Variants in NUP210 observed in about 807,000 individuals in gnomAD.
The protein encoded by NUP210 is nucleoporin 210, also known as nuclear pore membrane glycoprotein 210.
In NUP210, 151 loss-of-function variants were observed where a neutral mutation model predicts 196.0. The observed-to-expected ratio is 0.77, with a 90% CI of 0.67 to 0.88. The LOEUF is 0.88. Ranked by LOEUF, NUP210 falls within the 40% of genes least tolerant of loss-of-function variation. The pLI is 0.00. For missense variants in NUP210, 2,314 were observed against 2,493.7 expected (o/e 0.93, Z 1.53); for synonymous variants, 1,070 against 1,052.7 (o/e 1.02, Z -0.32).
In NUP210 at chr3:13,343,321, A is replaced by AGGGGGG; in HGVS notation, c.2836-19_2836-18insCCCCCC. ...GGGTGCACCTGCAAGGTTGGGGCGGAGGTGGAGGGGTGGGTGGTGGGTTAC... is the reference window on the plus strand; with the variant it reads ...GGGTGCACCTGCAAGGTTGGGGCGGAGGGGGGGGTGGAGGGGTGGGTGGTGGGTTAC... On this transcript the variant is annotated intron_variant, in intron 20 of 39. Transcript: ENST00000254508. 4.8e-6 allele frequency: 1 copy of AGGGGGG among 209,514 alleles called. No individual in the cohort carries two copies. The allele number at this position is 209,514 out of a possible 1,614,324, so 13.0% of individuals were successfully genotyped here.
chr3:13,419,677 C>A (rs1430938171), intron 1 of NUP210, among the ~76,000 whole-genome samples: 1 of 152,196 alleles, frequency 6.6e-6, no homozygotes, highest in African/African-American at 2.4e-5. Flanking sequence ...GGGTCCCAGA[C>A]TCAAGGGAAG....
chr3:13,319,058 G>C lies in NUP210; in HGVS notation c.5563+14C>G. On this transcript the variant is annotated intron_variant, in intron 39 of 39. Transcript: ENST00000254508. The stretch of plus-strand genomic sequence containing the variant: ...GCAGCTCTGCCTGGTTGTGCCTGCA[G>C]GGGGGCTACTCACAGTGGGGGCTGT... The C allele has an allele frequency of 3.1e-6, 5 of 1,592,500 alleles. No homozygotes were observed. Among genetic ancestry groups the C allele is most frequent in the Non-Finnish European group, 4.3e-6 (5 of 1,171,420 alleles).
In NUP210 at chr3:13,397,379, C is replaced by T; in HGVS notation, c.414G>A (p.Lys138=). 5 of 1,611,362 alleles carry T rather than the reference C, an allele frequency of 3.1e-6. No homozygotes were observed. Among genetic ancestry groups the T allele is most frequent in the Non-Finnish European group, 4.2e-6 (5 of 1,179,090 alleles). The change falls in exon 3 of 40, where the codon AAG becomes AAA. Residue 138 remains lysine, a synonymous_variant. Transcript: ENST00000254508. ...CACCTTCGGAGTCCAGGGCCTGGAT[C>T]TTCAGCTCCAGGGGGGAGTCCTCCA... ...LYLEDSPLEL[K]IQALDSEGNT...
chr3:13,419,993 C>T (rs1700478572), intron 1 of NUP210, 67 bp downstream of exon 1: 5 of 1,055,254 alleles, frequency 4.7e-6, no homozygotes, highest in Admixed American at 5.2e-5. Context: ...CCGGCGCCCG[C>T]CCAGCCTCTC....
chr3:13,379,466 A>G lies in NUP210; in HGVS notation c.976+97T>C, dbSNP rs1177948352. ...TTCAGACCGTTGAGGGGAAACGGCT[A>G]TTTTTAGCCCTGCCGAGCTTTCAGG... is the stretch of plus-strand genomic sequence containing the variant. On this transcript the variant is annotated intron_variant, in intron 7 of 39. Coordinates refer to ENST00000254508, the MANE Select transcript of NUP210 (RefSeq NM_024923.4). This position sits in a 1 kb window ranked among gnomAD's most constrained non-coding sequence, Gnocchi z 4.2. 2.0e-6 allele frequency: 3 copies of G among 1,483,296 alleles called. No homozygotes were observed. Among genetic ancestry groups the G allele is most frequent in the East Asian group, 4.5e-5 (2 of 44,282 alleles). The allele number at this position is 1,483,296 out of a possible 1,614,324, so 91.9% of individuals were successfully genotyped here.
At position 13,379,560 on chromosome 3, in the gene NUP210, T is replaced by C. The variant is rs1487145530; in HGVS notation, c.976+3A>G. On this transcript the variant is annotated splice_donor_region_variant and intron_variant, in intron 7 of 39. Coordinates refer to ENST00000254508, the MANE Select transcript of NUP210 (RefSeq NM_024923.4). This position sits in a 1 kb window ranked among gnomAD's most constrained non-coding sequence, Gnocchi z 4.2. ...AGAACACACAAGCCCAAGAAAAGGATATTCCTGTGGCCAAGGACGAGGCTG... is the reference window on the plus strand; with the variant it reads ...AGAACACACAAGCCCAAGAAAAGGACATTCCTGTGGCCAAGGACGAGGCTG... 1.9e-6 allele frequency: 3 copies of C among 1,613,910 alleles called. No individual in the cohort carries two copies.
At chr3:13,373,015 G>A (rs961847633) in intron 12 of NUP210, among the ~76,000 whole-genome samples, 1 of 152,154 alleles carries the variant, frequency 6.6e-6, no homozygotes, top group Non-Finnish European at 1.5e-5. Context: ...TTAGATAGAG[G>A]TGGCTCTGGG....
rs971445498 is a variant in NUP210, at chr3:13,379,315, G to T, written c.976+248C>A. On this transcript the variant is annotated intron_variant, in intron 7 of 39. Coordinates refer to ENST00000254508, the MANE Select transcript of NUP210 (RefSeq NM_024923.4). The surrounding 1 kb of genome is among the most constrained non-coding windows in gnomAD (Gnocchi z 4.2). ...TGAGAAGGCTGCAGGTACTGGAGAA[G>T]TTTCTGGAGACGAGGAACGACACTC... Among the ~76,000 whole-genome samples the T allele has an allele frequency of 3.3e-5, 5 of 152,162 alleles. No homozygotes were observed. The highest frequency in any genetic ancestry group is 5.9e-5 in the Non-Finnish European group (4 of 68,016).
At chr3:13,357,234 A>G (rs1363832498) in intron 16 of NUP210, among the ~76,000 whole-genome samples, 1 of 152,226 alleles carries the variant, frequency 6.6e-6, no homozygotes, top group Non-Finnish European at 1.5e-5. Flanking sequence ...GGTCTGCTCT[A>G]GGACTCGCAA....
chr3:13,364,838 A>G (rs1698477882), intron 14 of NUP210, among the ~76,000 whole-genome samples: 1 of 152,112 alleles, frequency 6.6e-6, no homozygotes, highest in African/African-American at 2.4e-5. Context: ...CAAAAAAAAT[A>G]AACAAATAAA....
chr3:13,415,916 T>C (rs1043737846), intron 1 of NUP210, among the ~76,000 whole-genome samples: 1 of 152,176 alleles, frequency 6.6e-6, no homozygotes, highest in Admixed American at 6.5e-5. Flanking sequence ...CAGCTTCCCC[T>C]GCTGGGGCAG....
chr3:13,329,621 G>C (rs1696915654), intron 30 of NUP210, among the ~76,000 whole-genome samples: 1 of 152,230 alleles, frequency 6.6e-6, no homozygotes, highest in South Asian at 2.1e-4. Flanking sequence ...TTTGCTGCCA[G>C]GCACCCATTT....
chr3:13,418,380 G>C (rs1238659852), intron 1 of NUP210, among the ~76,000 whole-genome samples: 1 of 152,112 alleles, frequency 6.6e-6, no homozygotes, highest in East Asian at 1.9e-4. Flanking sequence ...ATCACTTGAG[G>C]TCAGGAGTTC....
intron 13 of NUP210, among the ~76,000 whole-genome samples, chr3:13,370,949 C>T (rs778232080): frequency 7.0e-4 from 106 of 152,342 alleles, no homozygotes; most frequent in South Asian, 1.7e-3. Flanking sequence ...TGTGATTCAA[C>T]GGGTCCTCTG....
At chr3:13,370,146 G>T (rs1474218433) in intron 13 of NUP210, among the ~76,000 whole-genome samples, 1 of 152,030 alleles carries the variant, frequency 6.6e-6, no homozygotes, top group Non-Finnish European at 1.5e-5. Flanking sequence ...TCCTGACAGA[G>T]CCCAGGTTTC....
rs1174741039 is a variant in NUP210 at position 13,340,183 on chromosome 3, C to T, written c.3291+53G>A. The T allele has an allele frequency of 6.2e-7, 1 of 1,610,204 alleles. No homozygotes were observed. Among genetic ancestry groups the T allele is most frequent in the Non-Finnish European group, 8.5e-7 (1 of 1,177,548 alleles). On this transcript the variant is annotated intron_variant, in intron 24 of 39. Transcript: ENST00000254508. The surrounding 1 kb of genome is among the most constrained non-coding windows in gnomAD (Gnocchi z 4.0). ...GGGCCAGAGGCGGCGTGCCTGGAAC[C>T]AGGTGGTGGCCTGCACTGGGGCTGG... is the stretch of plus-strand genomic sequence containing the variant.
chr3:13,359,780 T>C (rs1698307489), intron 15 of NUP210, among the ~76,000 whole-genome samples: 1 of 152,100 alleles, frequency 6.6e-6, no homozygotes, highest in Non-Finnish European at 1.5e-5. Context: ...CACACATGTG[T>C]TTTGTCTGGT....
At chr3:13,386,470 G>C (rs1295804468) in intron 5 of NUP210, 63 bp from the exon 6 acceptor site, 37 of 1,582,782 alleles carry the variant, frequency 2.3e-5, no homozygotes, top group African/African-American at 4.1e-5. Flanking sequence ...GTGGTGGTGT[G>C]AGCAAGAGAA....
At chr3:13,329,181 A>T (rs1328874896) in intron 30 of NUP210, among the ~76,000 whole-genome samples, 1 of 152,166 alleles carries the variant, frequency 6.6e-6, no homozygotes, top group Admixed American at 6.5e-5. Context: ...GAGAAAACCC[A>T]CCCAGGAGTG....
Sources: allele counts gnomAD v4.1 joint callset (sites outside exome capture counted in the v4.1 genomes callset), GRCh38; gene constraint gnomAD v4.1.1; non-coding constraint Gnocchi (gnomAD v3.1); transcripts MANE v1.5; gene names NCBI Gene and HGNC (gene_info 2026-07-23, HGNC 2026-07-21).